Variants in CAMTA1 observed in about 807,000 individuals in gnomAD.
The protein encoded by CAMTA1 is calmodulin binding transcription activator 1, also known as calmodulin-binding transcription activator 1.
A neutral mutation model predicts 170.9 loss-of-function variants in CAMTA1; 27 were observed. That is an observed-to-expected ratio of 0.16 (90% CI 0.12 to 0.22). The LOEUF is 0.22. CAMTA1 is among the 10% of genes least tolerant of loss of function. The pLI is 1.00. For synonymous variants in CAMTA1, 833 were observed against 891.5 expected, an observed-to-expected ratio of 0.93 and a Z score of 1.17; for missense variants, 1,619 against 2,217.2, an observed-to-expected ratio of 0.73 and a Z score of 5.42.
In CAMTA1 at chr1:7,523,523, T is replaced by C. The variant is rs2094392743; in HGVS notation, c.510+55622T>C. Among the ~76,000 whole-genome samples the C allele has an allele frequency of 2.0e-5, 3 of 152,232 alleles. 1 individual carries two copies. Among genetic ancestry groups the C allele is most frequent in the Admixed American group, 2.0e-4 (3 of 15,286 alleles). ...GTACTAGGTCTTTGATTTTCCTCCA[T>C]TGGCATGTTGTCATTTTCAGTATAC... is the stretch of plus-strand genomic sequence containing the variant. On this transcript the variant is annotated intron_variant, in intron 6 of 22. Transcript: ENST00000303635.
At chr1:7,140,069 G>A (rs1021701892) in intron 4 of CAMTA1, among the ~76,000 whole-genome samples, 5 of 152,126 alleles carry the variant, frequency 3.3e-5, no homozygotes, top group African/African-American at 1.2e-4. Context: ...TCTCCATTCT[G>A]TAGAACAGGC....
At chr1:7,572,045 A>G (rs1427755655) in intron 6 of CAMTA1, among the ~76,000 whole-genome samples, 1 of 152,130 alleles carries the variant, frequency 6.6e-6, no homozygotes, top group East Asian at 1.9e-4. Flanking sequence ...TTCCTGTGAG[A>G]TGGTATCTCA....
chr1:6,804,257 A>G (rs1644253170), intron 1 of CAMTA1, among the ~76,000 whole-genome samples: 1 of 146,306 alleles, frequency 6.8e-6, no homozygotes, highest in Admixed American at 7.1e-5. Flanking sequence ...GCCTCAAGTG[A>G]TCCTCCAGCC....
rs2095304672 is a variant in CAMTA1 at position 7,585,779 on chromosome 1, C to T, written c.511-54621C>T. On this transcript the variant is annotated intron_variant, in intron 6 of 22. Transcript: ENST00000303635. This position sits in a 1 kb window ranked among gnomAD's most constrained non-coding sequence, Gnocchi z 4.8. ...CTCTTGTGGACAGACAGGCCAGAGA[C>T]ACGGCTCATCTGTCCCTCATCCACC... Among the ~76,000 whole-genome samples the T allele has an allele frequency of 6.6e-6, 1 of 151,002 alleles. No homozygotes were observed. The highest frequency in any genetic ancestry group is 2.5e-5 in the African/African-American group (1 of 40,336).
At chr1:6,839,407 A>G (rs574003486) in intron 3 of CAMTA1, among the ~76,000 whole-genome samples, 1 of 150,564 alleles carries the variant, frequency 6.6e-6, no homozygotes, top group Non-Finnish European at 1.5e-5. Context: ...AAAACAAAAA[A>G]CCCCCCCAAA....
chr1:7,641,572 G>C lies in CAMTA1; in HGVS notation c.664+1019G>C, dbSNP rs903718892. Among the ~76,000 whole-genome samples, 1 of 152,168 alleles carries C rather than the reference G, an allele frequency of 6.6e-6. No individual in the cohort carries two copies. The highest frequency in any genetic ancestry group is 2.4e-5 in the African/African-American group (1 of 41,436). On this transcript the variant is annotated intron_variant, in intron 7 of 22. Coordinates refer to ENST00000303635, the MANE Select transcript of CAMTA1 (RefSeq NM_015215.4). This position sits in a 1 kb window ranked among gnomAD's most constrained non-coding sequence, Gnocchi z 4.5. ...TGATGCTAATCCTGAGAGTCCCCTG[G>C]GTGCTCGGATTTAGGGATCTGCTCC...
chr1:6,951,279 C>G (rs1161557961), intron 3 of CAMTA1, among the ~76,000 whole-genome samples: 1 of 152,150 alleles, frequency 6.6e-6, no homozygotes, highest in African/African-American at 2.4e-5. Context: ...TTCCTTCATT[C>G]ATTCAATAGG....
At position 7,547,181 on chromosome 1, in the gene CAMTA1, G is replaced by C. The variant is rs1344554000; in HGVS notation, c.510+79280G>C. On this transcript the variant is annotated intron_variant, in intron 6 of 22. Transcript: ENST00000303635. This position sits in a 1 kb window ranked among gnomAD's most constrained non-coding sequence, Gnocchi z 5.7. ...GAGCACTTCCTTGCTTTCTGAACAA[G>C]ATGTTCCAGGCATATCTTGTACTTT... is the stretch of plus-strand genomic sequence containing the variant. Among the ~76,000 whole-genome samples, 4 of 152,126 alleles carry C rather than the reference G, an allele frequency of 2.6e-5. No individual in the cohort carries two copies. The highest frequency in any genetic ancestry group is 4.8e-5 in the African/African-American group (2 of 41,404).
chr1:7,465,639 T>C (rs185913926), intron 5 of CAMTA1, among the ~76,000 whole-genome samples: 4 of 152,308 alleles, frequency 2.6e-5, no homozygotes, highest in African/African-American at 9.6e-5. Flanking sequence ...TAACTTCATT[T>C]TGTTTATCGG....
intron 6 of CAMTA1, among the ~76,000 whole-genome samples, chr1:7,490,975 C>A (rs2093694860): frequency 6.6e-6 from 1 of 152,236 alleles, no homozygotes; most frequent in Non-Finnish European, 1.5e-5. Flanking sequence ...CCCACTCCAG[C>A]TCCGATCCAT....
chr1:7,224,461 C>G lies in CAMTA1; in HGVS notation c.303-25030C>G, dbSNP rs371292059. 6.6e-6 allele frequency among the ~76,000 whole-genome samples: 1 copy of G among 152,172 alleles called. No individual in the cohort carries two copies. Among genetic ancestry groups the G allele is most frequent in the African/African-American group, 2.4e-5 (1 of 41,456 alleles). On this transcript the variant is annotated intron_variant, in intron 4 of 22. Transcript: ENST00000303635. The surrounding 1 kb of genome is among the most constrained non-coding windows in gnomAD (Gnocchi z 5.2). ...TCTGAGAAGGTTTTCATGTTCCCAA[C>G]GAGATCCAAGAGCAAAACAGTTTTC...
intron 1 of CAMTA1, among the ~76,000 whole-genome samples, chr1:6,805,347 T>A (rs1162595898): frequency 2.6e-5 from 4 of 152,262 alleles, no homozygotes; most frequent in African/African-American, 9.6e-5. Context: ...TCTATTCAAA[T>A]CCTCTTCCAT....
intron 5 of CAMTA1, among the ~76,000 whole-genome samples, chr1:7,347,685 G>A (rs1299331026): frequency 1.3e-5 from 2 of 152,078 alleles, no homozygotes; most frequent in African/African-American, 2.4e-5. Context: ...AATCTGTCCC[G>A]ACCCCTCTTC....
At chr1:6,954,857 G>C (rs920341244) in intron 3 of CAMTA1, among the ~76,000 whole-genome samples, 2 of 152,042 alleles carry the variant, frequency 1.3e-5, no homozygotes, top group Non-Finnish European at 2.9e-5. Flanking sequence ...GCTTGCCTGG[G>C]ACGGGCTGGG....
At position 7,761,323 on chromosome 1, in the gene CAMTA1, C is replaced by T. The variant is rs553681447; in HGVS notation, c.4990-5136C>T. Among the ~76,000 whole-genome samples the T allele has an allele frequency of 3.9e-5, 6 of 152,310 alleles. No individual in the cohort carries two copies. In the East Asian group the frequency reaches 1.2e-3, roughly 29 times the overall value. ...AGCTCTCCTGAGGGCAGCACTGGCG[C>T]TGTGGGAACTGTAGCTTCTGTCCTG... On this transcript the variant is annotated intron_variant, in intron 22 of 22. Coordinates refer to ENST00000303635, the MANE Select transcript of CAMTA1 (RefSeq NM_015215.4).
intron 3 of CAMTA1, among the ~76,000 whole-genome samples, chr1:6,860,930 A>G (rs1385986831): frequency 6.6e-6 from 1 of 151,290 alleles, no homozygotes; most frequent in Non-Finnish European, 1.5e-5. Flanking sequence ...AAAACAAAAA[A>G]ACCAAAAAAC....
rs184195522 is a variant in CAMTA1 at position 7,122,191 on chromosome 1, T to C, written c.302+30820T>C. The stretch of plus-strand genomic sequence containing the variant: ...CTTCTTCCTCCTTCCACCCTTGCCC[T>C]GTTCTTCTTTTAGAAGCATATTAAC... On this transcript the variant is annotated intron_variant, in intron 4 of 22. Transcript: ENST00000303635. 3.8e-4 allele frequency among the ~76,000 whole-genome samples: 58 copies of C among 152,168 alleles called. 1 individual carries two copies. Among genetic ancestry groups the C allele is most frequent in the African/African-American group, 1.4e-3 (57 of 41,498 alleles).
At chr1:7,672,230 G>T (rs2096066789) in intron 10 of CAMTA1, 1 of 375,746 alleles carries the variant, frequency 2.7e-6, no homozygotes, top group South Asian at 2.0e-5. Flanking sequence ...TACGGGGTGG[G>T]AGTACAGAGC....
chr1:6,979,455 A>G (rs2149633676), intron 3 of CAMTA1, among the ~76,000 whole-genome samples: 1 of 152,320 alleles, frequency 6.6e-6, no homozygotes, highest in South Asian at 2.1e-4. Flanking sequence ...CTCTGGGAAG[A>G]GCAGCCCTTG....
Sources: gnomAD v4.1 joint callset for allele counts (sites outside exome capture counted in the v4.1 genomes callset) on GRCh38, gnomAD v4.1.1 for gene constraint, Gnocchi (gnomAD v3.1) non-coding constraint, MANE v1.5 for transcripts, NCBI Gene and HGNC (gene_info 2026-07-23, HGNC 2026-07-21) for gene names.